TMEM45A: variants seen among roughly 807,000 people sequenced by gnomAD.
TMEM45A encodes transmembrane protein 45A.
TMEM45A carries 25 observed loss-of-function variants against 32.0 expected under a neutral mutation model. The observed-to-expected ratio is 0.78, with a 90% CI of 0.57 to 1.09. The LOEUF is 1.09. TMEM45A is among the 50% of genes least tolerant of loss of function. TMEM45A has a pLI of 0.00. For synonymous variants in TMEM45A, 122 were observed against 114.8 expected (o/e 1.06, Z -0.40); for missense variants, 302 against 325.0 (o/e 0.93, Z 0.54).
At chr3:100,506,018 C>T (rs1263093082) in intron 1 of TMEM45A, among the ~76,000 whole-genome samples, 1 of 152,080 alleles carries the variant, frequency 6.6e-6, no homozygotes, top group Non-Finnish European at 1.5e-5. Flanking sequence ...GCAGAGGGGG[C>T]CCTCAAGGAT....
At chr3:100,494,607 T>C (rs1298734729) in intron 1 of TMEM45A, among the ~76,000 whole-genome samples, 1 of 151,444 alleles carries the variant, frequency 6.6e-6, no homozygotes, top group Non-Finnish European at 1.5e-5. Context: ...TCTCCAGCTC[T>C]GGTGACAGAG....
chr3:100,492,764 C>G lies in TMEM45A; in HGVS notation c.-168C>G, dbSNP rs7649999. 6.7e-6 allele frequency: 1 copy of G among 148,320 alleles called. No individual in the cohort carries two copies. The highest frequency in any genetic ancestry group is 2.5e-5 in the African/African-American group (1 of 39,864). 9.2% of individuals were successfully genotyped at this position (148,320 alleles called of 1,614,324 possible). On this transcript the variant is annotated 5_prime_UTR_variant, in exon 1 of 6. Transcript: ENST00000323523. ...ACCCAAGTTTAAAAATTCCTCCCCC[C>G]ACCCAATGCGAGACGTGGCCAGATC...
At chr3:100,573,714 T>A (rs1278659344) in intron 5 of TMEM45A, 1 of 152,206 alleles carries the variant, frequency 6.6e-6, no homozygotes, top group Non-Finnish European at 1.5e-5. Flanking sequence ...TTTTTGCCCA[T>A]TCAGTATGAT....
intron 4 of TMEM45A, among the ~76,000 whole-genome samples, chr3:100,567,289 C>T (rs1706461982): frequency 6.6e-6 from 1 of 151,918 alleles, no homozygotes; most frequent in African/African-American, 2.4e-5. Context: ...ATGGCTTTGG[C>T]ACCCTTGTCA....
chr3:100,563,339 ACT>A (rs1173154460), intron 4 of TMEM45A, among the ~76,000 whole-genome samples: 2 of 152,072 alleles, frequency 1.3e-5, no homozygotes, highest in Non-Finnish European at 2.9e-5. Flanking sequence ...CTCTGCAAAT[ACT>A]CTGTTTCCAA....
chr3:100,519,385 G>A (rs1007025219), intron 1 of TMEM45A: 42 of 578,378 alleles, frequency 7.3e-5, no homozygotes, highest in Admixed American at 3.8e-4. Context: ...GTGTGTGTGT[G>A]CATGTGTGTG....
intron 1 of TMEM45A, 35 bp downstream of exon 1, chr3:100,492,963 T>G (rs1296145460): frequency 6.6e-6 from 1 of 152,176 alleles, no homozygotes; most frequent in African/African-American, 2.4e-5. Flanking sequence ...ATCATATTTC[T>G]CTTGCCGTGA....
chr3:100,555,381 T>C lies in TMEM45A; in HGVS notation c.170T>C (p.Ile57Thr). 1 of 1,613,888 alleles carries C rather than the reference T, an allele frequency of 6.2e-7. No individual in the cohort carries two copies. Among genetic ancestry groups the C allele is most frequent in the Non-Finnish European group, 8.5e-7 (1 of 1,179,862 alleles). ...YRLEILEGIT[I>T]VGMALTGMAG... ...TTGGAAATTTTGGAGGGAATTACAA[T>C]AGTTGGCATGGCTTTAACTGGTGAG... The change falls in exon 2 of 6, where the codon ATA becomes ACA. Residue 57 changes from isoleucine to threonine, a missense_variant. Ile to Thr is a moderately conservative substitution (Grantham distance 89). Coordinates refer to ENST00000323523, the MANE Select transcript of TMEM45A (RefSeq NM_018004.3).
At chr3:100,549,138 T>G (rs1007354714) in intron 1 of TMEM45A, among the ~76,000 whole-genome samples, 2 of 151,440 alleles carry the variant, frequency 1.3e-5, no homozygotes, top group Non-Finnish European at 2.9e-5. Flanking sequence ...TACCAGCTAC[T>G]CAGGAGGCTG....
At chr3:100,561,450 T>G (rs1157509246) in intron 4 of TMEM45A, among the ~76,000 whole-genome samples, 1 of 152,158 alleles carries the variant, frequency 6.6e-6, no homozygotes, top group African/African-American at 2.4e-5. Flanking sequence ...ATACTCAGAT[T>G]GGCCACTTTT....
chr3:100,558,598 G>C lies in TMEM45A; in HGVS notation c.588+9G>C, dbSNP rs1706270240. On this transcript the variant is annotated intron_variant, in intron 4 of 5. Coordinates refer to ENST00000323523, the MANE Select transcript of TMEM45A (RefSeq NM_018004.3). ...GGAGCTGGTTCTTTCAGGTGAGTTG[G>C]GGCCTCTAGTTAATGTACCTGGACT... 2.5e-6 allele frequency: 4 copies of C among 1,612,570 alleles called. No homozygotes were observed. The South Asian group carries it at 4.4e-5, about 18-fold the overall frequency.
At chr3:100,534,409 AAGG>A (rs956537350) in intron 1 of TMEM45A, among the ~76,000 whole-genome samples, 1 of 152,152 alleles carries the variant, frequency 6.6e-6, no homozygotes, top group African/African-American at 2.4e-5. Flanking sequence ...GACTCAGAAG[AAGG>A]AGATGTGGCA....
At chr3:100,497,390 A>G (rs1205000424) in intron 1 of TMEM45A, among the ~76,000 whole-genome samples, 1 of 152,196 alleles carries the variant, frequency 6.6e-6, no homozygotes, top group Non-Finnish European at 1.5e-5. Context: ...TTCCTTTTTT[A>G]TTGTGGTAAA....
rs1407667337 is a variant in TMEM45A at position 100,558,599 on chromosome 3, G to A, written c.588+10G>A. On this transcript the variant is annotated intron_variant, in intron 4 of 5. Coordinates refer to ENST00000323523, the MANE Select transcript of TMEM45A (RefSeq NM_018004.3). ...GAGCTGGTTCTTTCAGGTGAGTTGG[G>A]GCCTCTAGTTAATGTACCTGGACTC... 5 of 1,612,524 alleles carry A rather than the reference G, an allele frequency of 3.1e-6. No homozygotes were observed. In the South Asian group the frequency reaches 4.4e-5, roughly 14 times the overall value.
intron 1 of TMEM45A, among the ~76,000 whole-genome samples, chr3:100,553,658 G>A (rs1368088408): frequency 2.0e-5 from 3 of 152,166 alleles, no homozygotes; most frequent in Non-Finnish European, 2.9e-5. Flanking sequence ...GGGCAGGAAA[G>A]AACTCCAGGT....
At chr3:100,504,251 A>T (rs1039209706) in intron 1 of TMEM45A, among the ~76,000 whole-genome samples, 14 of 91,706 alleles carry the variant, frequency 1.5e-4, no homozygotes, top group African/African-American at 3.3e-4. Flanking sequence ...TATTTTTATA[A>T]AAAAAAAAAA....
At position 100,516,833 on chromosome 3, in the gene TMEM45A, A is replaced by G. The variant is rs138148313; in HGVS notation, c.-4+23905A>G. Among the ~76,000 whole-genome samples the G allele has an allele frequency of 3.9e-5, 6 of 152,196 alleles. No individual in the cohort carries two copies. The East Asian group carries it at 9.7e-4, about 24-fold the overall frequency. ...ATGTGTTGAAGGAAATAGTTTTTGA[A>G]AAGTTGGGAATGGAAAGAGGTCAAC... On this transcript the variant is annotated intron_variant, in intron 1 of 5. Coordinates refer to ENST00000323523, the MANE Select transcript of TMEM45A (RefSeq NM_018004.3).
At chr3:100,534,449 G>A (rs1471079090) in intron 1 of TMEM45A, among the ~76,000 whole-genome samples, 1 of 152,148 alleles carries the variant, frequency 6.6e-6, no homozygotes, top group Non-Finnish European at 1.5e-5. Flanking sequence ...GAGTCAGTGA[G>A]AGAGATTTGA....
intron 1 of TMEM45A, among the ~76,000 whole-genome samples, chr3:100,504,440 G>A (rs142279877): frequency 6.6e-4 from 100 of 152,208 alleles, no homozygotes; most frequent in Admixed American, 1.4e-3. Context: ...TTCTTTCCCC[G>A]TATAACCTAT....
Sources: gnomAD v4.1 joint callset for allele counts (sites outside exome capture counted in the v4.1 genomes callset) on GRCh38, gnomAD v4.1.1 for gene constraint, MANE v1.5 for transcripts, NCBI Gene and HGNC (gene_info 2026-07-23, HGNC 2026-07-21) for gene names.